Variants in STIM2 observed in about 807,000 individuals in gnomAD.
The protein encoded by STIM2 is stromal interaction molecule 2.
A neutral mutation model predicts 85.8 loss-of-function variants in STIM2; 31 were observed. That is an observed-to-expected ratio of 0.36 (90% CI 0.27 to 0.49). STIM2 has a LOEUF of 0.49. Among genes scored for constraint, STIM2 ranks in the 20% least tolerant of loss-of-function variants. STIM2 has a pLI of 0.98. For synonymous variants in STIM2, 356 were observed against 331.1 expected (o/e 1.08, Z -0.82); for missense variants, 841 against 927.6 (o/e 0.91, Z 1.21).
chr4:26,969,164 C>T (rs1726839533), intron 3 of STIM2, among the ~76,000 whole-genome samples: 1 of 152,172 alleles, frequency 6.6e-6, no homozygotes, highest in Admixed American at 6.5e-5. Flanking sequence ...GACTCACAGG[C>T]ATATCACTAA....
intron 1 of STIM2, among the ~76,000 whole-genome samples, chr4:26,918,106 T>A (rs1319778589): frequency 6.6e-6 from 1 of 152,090 alleles, no homozygotes; most frequent in Non-Finnish European, 1.5e-5. Flanking sequence ...TCTTTTCTGA[T>A]TACTTCCCTT....
At chr4:26,931,162 T>C (rs1341770873) in intron 2 of STIM2, among the ~76,000 whole-genome samples, 2 of 152,154 alleles carry the variant, frequency 1.3e-5, no homozygotes, top group Non-Finnish European at 2.9e-5. Flanking sequence ...GCCCACTGTT[T>C]CACTCTCTCA....
chr4:26,950,964 A>G (rs1311108494), intron 2 of STIM2, among the ~76,000 whole-genome samples: 2 of 152,154 alleles, frequency 1.3e-5, no homozygotes, highest in Non-Finnish European at 2.9e-5. Flanking sequence ...TCAGCATGAA[A>G]CAAATTCCAG....
At chr4:26,890,823 C>CAAAAAA (rs60092225) in intron 1 of STIM2, among the ~76,000 whole-genome samples, 1 of 51,058 alleles carries the variant, frequency 2.0e-5, no homozygotes, top group Non-Finnish European at 4.3e-5. Context: ...GACTCCGTCT[C>CAAAAAA]AAAAAAAAAA....
At chr4:26,986,996 G>T (rs1452131532) in intron 3 of STIM2, among the ~76,000 whole-genome samples, 2 of 152,190 alleles carry the variant, frequency 1.3e-5, no homozygotes, top group African/African-American at 4.8e-5. Context: ...GTGCCATTTT[G>T]TAGAAATAGT....
chr4:26,940,477 A>G (rs1217098217), intron 2 of STIM2, among the ~76,000 whole-genome samples: 2 of 152,168 alleles, frequency 1.3e-5, no homozygotes, highest in African/African-American at 4.8e-5. Context: ...CTTTTTAGAA[A>G]GTCTCATGCT....
chr4:26,891,148 G>A (rs1723461616), intron 1 of STIM2, among the ~76,000 whole-genome samples: 1 of 152,200 alleles, frequency 6.6e-6, no homozygotes. Context: ...GGTCTGTGGT[G>A]TCCAGTTGTT....
intron 5 of STIM2, 111 bp downstream of exon 5, chr4:26,999,458 A>G (rs984438751): frequency 4.4e-6 from 2 of 458,136 alleles, no homozygotes; most frequent in East Asian, 4.1e-5. Flanking sequence ...AGAATCATCT[A>G]TTACCTGTGA....
At chr4:26,954,074 G>T in intron 2 of STIM2, among the ~76,000 whole-genome samples, 1 of 152,100 alleles carries the variant, frequency 6.6e-6, no homozygotes, top group East Asian at 1.9e-4. Context: ...TGGGAAAAGG[G>T]TATGGCCTGA....
chr4:26,876,177 T>A (rs1004137954), intron 1 of STIM2, among the ~76,000 whole-genome samples: 4 of 152,170 alleles, frequency 2.6e-5, no homozygotes, highest in African/African-American at 9.7e-5. Flanking sequence ...GGGGTAAACT[T>A]ATTTAAGAAG....
At chr4:26,868,922 A>G (rs1295970738) in intron 1 of STIM2, among the ~76,000 whole-genome samples, 1 of 152,230 alleles carries the variant, frequency 6.6e-6, no homozygotes, top group Non-Finnish European at 1.5e-5. Flanking sequence ...ATTAAGAAAG[A>G]AAAGCTAAAG....
At chr4:26,873,915 G>C in intron 1 of STIM2, 1 of 1,368,270 alleles carries the variant, frequency 7.3e-7, no homozygotes, top group Non-Finnish European at 1.0e-6. Flanking sequence ...GAGTGGACAG[G>C]GGCGCCTCCA....
chr4:26,861,248 A>G lies in STIM2; in HGVS notation c.30A>G (p.Gly10=). The G allele has an allele frequency of 6.7e-7, 1 of 1,486,486 alleles. No individual in the cohort carries two copies. Among genetic ancestry groups the G allele is most frequent in the Non-Finnish European group, 8.9e-7 (1 of 1,125,196 alleles). 92.1% of individuals were successfully genotyped at this position (1,486,486 alleles called of 1,614,324 possible). A position where few individuals can be genotyped will look rare whatever the true frequency, so the allele number is the denominator to read the frequency against. The change falls in exon 1 of 12, where the codon GGA becomes GGG. Residue 10 remains glycine (G), a synonymous_variant. Transcript: ENST00000467087. ...TGGTGCTCGGGCTGCTGGTAGCCGG[A>G]GCGGCGGACGGATGCGAGCTTGTGC...
chr4:27,002,511 G>T, intron 6 of STIM2, 117 bp downstream of exon 6: 1 of 661,502 alleles, frequency 1.5e-6, no homozygotes, highest in South Asian at 3.1e-5. Context: ...AGGAATAGAT[G>T]CATATTTGAT....
chr4:26,990,326 A>G (rs1178086183), intron 3 of STIM2, among the ~76,000 whole-genome samples: 1 of 152,158 alleles, frequency 6.6e-6, no homozygotes, highest in Non-Finnish European at 1.5e-5. Flanking sequence ...ACTCATTTTC[A>G]ACAAAGGCAC....
chr4:26,909,898 A>G (rs1724268443), intron 1 of STIM2, among the ~76,000 whole-genome samples: 1 of 152,236 alleles, frequency 6.6e-6, no homozygotes. Flanking sequence ...CAAAAGGGCC[A>G]GTGCTGCTTG....
At chr4:27,001,488 C>T (rs1216033781) in intron 5 of STIM2, among the ~76,000 whole-genome samples, 1 of 152,164 alleles carries the variant, frequency 6.6e-6, no homozygotes, top group Non-Finnish European at 1.5e-5. Context: ...TTAACCCAGG[C>T]TTTATCAGCC....
chr4:26,901,607 A>G (rs572414131), intron 1 of STIM2, among the ~76,000 whole-genome samples: 1 of 152,138 alleles, frequency 6.6e-6, no homozygotes, highest in East Asian at 1.9e-4. Flanking sequence ...AGCGATATTA[A>G]ATCTGTGGTT....
At chr4:26,962,633 G>A in intron 3 of STIM2, among the ~76,000 whole-genome samples, 1 of 150,996 alleles carries the variant, frequency 6.6e-6, no homozygotes, top group Non-Finnish European at 1.5e-5. Context: ...TAGAGAGAAT[G>A]CTTGGTCAAG....
Sources: gnomAD v4.1 joint callset for allele counts (sites outside exome capture counted in the v4.1 genomes callset) on GRCh38, gnomAD v4.1.1 for gene constraint, MANE v1.5 for transcripts, NCBI Gene and HGNC (gene_info 2026-07-23, HGNC 2026-07-21) for gene names.